LARP1: variants seen among roughly 807,000 people sequenced by gnomAD.
LARP1 encodes the protein la-related protein 1.
Under a neutral mutation model 122.7 loss-of-function variants are expected in LARP1, and 36 were observed. That is an observed-to-expected ratio of 0.29 (90% CI 0.22 to 0.39). LARP1 has a LOEUF of 0.39. Ranked by LOEUF, LARP1 falls within the 10% of genes least tolerant of loss-of-function variation. LARP1 has a pLI of 1.00. For missense variants in LARP1, 1,040 were observed against 1,403.6 expected (o/e 0.74, Z 4.14); for synonymous variants, 539 against 528.7 (o/e 1.02, Z -0.27).
chr5:154,721,692 G>A (rs994035361), intron 1 of LARP1, among the ~76,000 whole-genome samples: 2 of 152,178 alleles, frequency 1.3e-5, no homozygotes, highest in African/African-American at 4.8e-5. Context: ...CATTTGCAAA[G>A]TTTCTCATCT....
chr5:154,764,959 G>T (rs924407262), intron 1 of LARP1, among the ~76,000 whole-genome samples: 1 of 151,414 alleles, frequency 6.6e-6, no homozygotes, highest in Non-Finnish European at 1.5e-5. Context: ...CTAAATGCTT[G>T]TACCGCCTCG....
intron 1 of LARP1, among the ~76,000 whole-genome samples, chr5:154,765,591 A>C (rs1306608395): frequency 6.6e-6 from 1 of 152,076 alleles, no homozygotes; most frequent in East Asian, 1.9e-4. Flanking sequence ...ATGGGGTCTC[A>C]CTATGTTGCC....
At chr5:154,719,299 C>T (rs915677912) in intron 1 of LARP1, among the ~76,000 whole-genome samples, 5 of 152,176 alleles carry the variant, frequency 3.3e-5, no homozygotes, top group African/African-American at 1.2e-4. Flanking sequence ...CCTACATACC[C>T]TCTTTTGGCA....
intron 1 of LARP1, among the ~76,000 whole-genome samples, chr5:154,693,160 C>T (rs1035597302): frequency 5.3e-5 from 8 of 151,432 alleles, no homozygotes; most frequent in Admixed American, 2.0e-4. Context: ...TGTTTTGAGA[C>T]GGGGTCTCAC....
intron 5 of LARP1, 25 bp downstream of exon 5, chr5:154,793,748 C>A: frequency 6.2e-7 from 1 of 1,614,176 alleles, no homozygotes; most frequent in Non-Finnish European, 8.5e-7. Context: ...CTATGGAGGG[C>A]CTGGACTTGG....
intron 1 of LARP1, among the ~76,000 whole-genome samples, chr5:154,747,519 C>T (rs1263735649): frequency 6.6e-6 from 1 of 151,638 alleles, no homozygotes; most frequent in Non-Finnish European, 1.5e-5. Context: ...CCAGCCTGAC[C>T]AACATGGCTA....
chr5:154,798,996 TGG>T (rs1758116450), intron 8 of LARP1, among the ~76,000 whole-genome samples: 1 of 152,206 alleles, frequency 6.6e-6, no homozygotes, highest in Non-Finnish European at 1.5e-5. Context: ...CTCGAATAGC[TGG>T]GACTATAGGC....
chr5:154,688,849 G>T (rs1754058594), intron 1 of LARP1, among the ~76,000 whole-genome samples: 1 of 151,894 alleles, frequency 6.6e-6, no homozygotes, highest in South Asian at 2.1e-4. Context: ...AACAACATTG[G>T]AAGCATATTT....
At chr5:154,797,885 G>A (rs893327991) in intron 8 of LARP1, among the ~76,000 whole-genome samples, 2 of 151,890 alleles carry the variant, frequency 1.3e-5, no homozygotes, top group East Asian at 1.9e-4. Context: ...AGGTCTTGCA[G>A]TGTTGCCCAG....
At chr5:154,768,642 C>T (rs1483864955) in intron 1 of LARP1, among the ~76,000 whole-genome samples, 20 of 152,060 alleles carry the variant, frequency 1.3e-4, no homozygotes, top group Admixed American at 7.2e-4. Context: ...AGTGCAGTGG[C>T]GCGATCTTGG....
chr5:154,741,532 G>A (rs1045097609), intron 1 of LARP1, among the ~76,000 whole-genome samples: 1 of 152,146 alleles, frequency 6.6e-6, no homozygotes, highest in Non-Finnish European at 1.5e-5. Context: ...TCTGAGAAGG[G>A]GCCATTTAAG....
In LARP1 at chr5:154,816,971, C is replaced by G. The variant is rs1334735384; in HGVS notation, c.*2875C>G. On this transcript the variant is annotated 3_prime_UTR_variant, in exon 19 of 19. Transcript: ENST00000518297. The stretch of plus-strand genomic sequence containing the variant: ...GGGGCTCAGATAGAGGTGCTGAGCC[C>G]CTGTGTCAAAGTTGTTAAATGTTTT... 1.3e-5 allele frequency: 2 copies of G among 152,148 alleles called. No individual in the cohort carries two copies. The highest frequency in any genetic ancestry group is 2.9e-5 in the Non-Finnish European group (2 of 68,030). The allele number at this position is 152,148 out of a possible 1,614,324, so 9.4% of individuals were successfully genotyped here.
At chr5:154,747,116 C>T (rs998487179) in intron 1 of LARP1, among the ~76,000 whole-genome samples, 11 of 151,584 alleles carry the variant, frequency 7.3e-5, no homozygotes, top group African/African-American at 1.9e-4. Context: ...GGCGACAGGG[C>T]GAGACTCTGT....
At chr5:154,710,464 C>T (rs748345526), upstream of LARP1, among the ~76,000 whole-genome samples, 21 of 152,098 alleles carry the variant, frequency 1.4e-4, no homozygotes, top group Non-Finnish European at 2.1e-4. Flanking sequence ...AAAATTTAGG[C>T]CAGACACGGT....
chr5:154,690,099 C>A (rs1754122795), intron 1 of LARP1, among the ~76,000 whole-genome samples: 1 of 152,060 alleles, frequency 6.6e-6, no homozygotes, highest in Non-Finnish European at 1.5e-5. Flanking sequence ...AATCAAGTAG[C>A]TAGCAGCCCT....
At chr5:154,713,532 G>A (rs995000259) in intron 1 of LARP1, among the ~76,000 whole-genome samples, 3 of 152,150 alleles carry the variant, frequency 2.0e-5, no homozygotes, top group African/African-American at 7.2e-5. Flanking sequence ...ATTTTATTCT[G>A]TCTGTGAGAT....
intron 1 of LARP1, among the ~76,000 whole-genome samples, chr5:154,691,130 C>T (rs544634138): frequency 9.2e-5 from 14 of 151,624 alleles, no homozygotes; most frequent in Non-Finnish European, 1.8e-4. Context: ...GGCGTGGTGG[C>T]GGGCGCCTGT....
chr5:154,775,344 T>C (rs553400835), intron 1 of LARP1, among the ~76,000 whole-genome samples: 4 of 151,850 alleles, frequency 2.6e-5, no homozygotes, highest in African/African-American at 7.2e-5. Flanking sequence ...AATACAAAAA[T>C]TAGTTGGGTG....
chr5:154,723,741 C>A (rs1756026164), intron 1 of LARP1, among the ~76,000 whole-genome samples: 1 of 152,218 alleles, frequency 6.6e-6, no homozygotes, highest in South Asian at 2.1e-4. Flanking sequence ...CAAGAGCCCA[C>A]AACCAGGAAG....
Sources: gnomAD v4.1 joint callset for allele counts (sites outside exome capture counted in the v4.1 genomes callset) on GRCh38, gnomAD v4.1.1 for gene constraint, MANE v1.5 for transcripts, NCBI Gene and HGNC (gene_info 2026-07-23, HGNC 2026-07-21) for gene names.